The following CHD5 variants were observed in gnomAD, a reference collection of about 807,000 sequenced individuals.
CHD5 encodes ATP-dependent chromatin remodeler CHD5.
A neutral mutation model predicts 230.3 loss-of-function variants in CHD5; 69 were observed. The observed-to-expected ratio is 0.30, with a 90% CI of 0.25 to 0.37. The LOEUF is 0.37. Among genes scored for constraint, CHD5 ranks in the 10% least tolerant of loss-of-function variants. The pLI, the probability that CHD5 is intolerant of heterozygous loss-of-function variation, is 1.00. For synonymous variants in CHD5, 1,064 were observed against 1,065.9 expected, an observed-to-expected ratio of 1.00 and a Z score of 0.03; for missense variants, 1,827 against 2,622.8, an observed-to-expected ratio of 0.70 and a Z score of 6.63.
At chr1:6,135,131 G>A in intron 18 of CHD5, 99 bp downstream of exon 18, 4 of 1,376,126 alleles carry the variant, frequency 2.9e-6, no homozygotes, top group Non-Finnish European at 4.1e-6. Flanking sequence ...AGACCTCAGT[G>A]AGGCTGAAGA....
At chr1:6,159,935 C>A (rs1345422978) in intron 2 of CHD5, among the ~76,000 whole-genome samples, 1 of 152,266 alleles carries the variant, frequency 6.6e-6, no homozygotes, top group African/African-American at 2.4e-5. Flanking sequence ...GACCCAGGAG[C>A]TGGCGGTGGA....
rs1309265617 is a variant in CHD5, at chr1:6,154,443, A to C, written c.745+217T>G. ...CCCACATCATCGCCTCTGCTTCTCC[A>C]CCAACCCCAAAAGGGAGTCAGGCAC... On this transcript the variant is annotated intron_variant, in intron 5 of 41. Transcript: ENST00000262450. This position sits in a 1 kb window ranked among gnomAD's most constrained non-coding sequence, Gnocchi z 7.0. Among the ~76,000 whole-genome samples, 1 of 151,972 alleles carries C rather than the reference A, an allele frequency of 6.6e-6. No homozygotes were observed. Among genetic ancestry groups the C allele is most frequent in the Non-Finnish European group, 1.5e-5 (1 of 67,972 alleles).
intron 2 of CHD5, among the ~76,000 whole-genome samples, chr1:6,166,277 CG>C (rs71579010): frequency 7.1e-6 from 1 of 140,098 alleles, no homozygotes; most frequent in Non-Finnish European, 1.5e-5. Context: ...AGGTGGGGGT[CG>C]GGGGCAGGGG....
At position 6,125,472 on chromosome 1, in the gene CHD5, G is replaced by A. The variant is rs2273037; in HGVS notation, c.4260+52C>T. ...TCCCCCAGCCCTCCTCCATACCCCA[G>A]GGGCAGCAGGAAGCAGGGGCAGAAA... is the stretch of plus-strand genomic sequence containing the variant. On this transcript the variant is annotated intron_variant, in intron 28 of 41. Transcript: ENST00000262450. This position sits in a 1 kb window ranked among gnomAD's most constrained non-coding sequence, Gnocchi z 6.7. 0.27 allele frequency: 411,274 copies of A among 1,526,584 alleles called. 58,590 individuals are homozygous for A. The highest frequency in any genetic ancestry group is 0.4 in the South Asian group (33,134 of 83,364). The allele number at this position is 1,526,584 out of a possible 1,614,324, so 94.6% of individuals were successfully genotyped here.
intron 2 of CHD5, among the ~76,000 whole-genome samples, chr1:6,166,339 G>A (rs528912672): frequency 9.2e-5 from 14 of 151,956 alleles, no homozygotes; most frequent in African/African-American, 2.9e-4. Context: ...CCAGGGGGCC[G>A]TGGGGCACAG....
At chr1:6,173,847 C>T (rs1667377546) in intron 1 of CHD5, among the ~76,000 whole-genome samples, 1 of 152,220 alleles carries the variant, frequency 6.6e-6, no homozygotes, top group African/African-American at 2.4e-5. Flanking sequence ...CCCCATGAGA[C>T]AGGGCTTATG....
intron 2 of CHD5, among the ~76,000 whole-genome samples, chr1:6,164,911 G>C (rs540165319): frequency 1.1e-4 from 16 of 152,262 alleles, no homozygotes; most frequent in Admixed American, 9.8e-4. Context: ...AGGGGGAAGA[G>C]AGAAAAGACG....
At position 6,146,008 on chromosome 1, in the gene CHD5, C is replaced by T. The variant is rs142455561; in HGVS notation, c.1802+204G>A. Among the ~76,000 whole-genome samples the T allele has an allele frequency of 5.3e-4, 81 of 152,268 alleles. 1 individual carries two copies. The highest frequency in any genetic ancestry group is 1.9e-3 in the African/African-American group (77 of 41,552). ...CATGAGTGTGCCGGCATGCATGGGA[C>T]GGCCCCTCTAGCAGGTCAGGCAGAT... On this transcript the variant is annotated intron_variant, in intron 11 of 41. Coordinates refer to ENST00000262450, the MANE Select transcript of CHD5 (RefSeq NM_015557.3). The surrounding 1 kb of genome is among the most constrained non-coding windows in gnomAD (Gnocchi z 5.1).
chr1:6,148,584 CG>C (rs1317957516), intron 9 of CHD5, among the ~76,000 whole-genome samples: 2 of 152,174 alleles, frequency 1.3e-5, no homozygotes, highest in African/African-American at 4.8e-5. Context: ...ACAGTGGTCG[CG>C]GTGTTGGCAT....
intron 1 of CHD5, among the ~76,000 whole-genome samples, chr1:6,169,642 C>T (rs780749146): frequency 1.3e-5 from 2 of 152,214 alleles, no homozygotes; most frequent in Non-Finnish European, 2.9e-5. Context: ...GCAGGCACAG[C>T]AGCAAGAATC....
In CHD5 at chr1:6,142,702, A is replaced by C; in HGVS notation, c.2044-97T>G. On this transcript the variant is annotated intron_variant, in intron 13 of 41. Transcript: ENST00000262450. This position sits in a 1 kb window ranked among gnomAD's most constrained non-coding sequence, Gnocchi z 5.2. The stretch of plus-strand genomic sequence containing the variant: ...ACATGCAATTCCTTCTGCCTGGAAC[A>C]CTCTTCCCACTCCTGTCTGTCTTCC... The C allele has an allele frequency of 2.3e-5, 28 of 1,211,896 alleles. No homozygotes were observed. The highest frequency in any genetic ancestry group is 1.0e-4 in the East Asian group (4 of 38,928). 75.1% of individuals were successfully genotyped at this position (1,211,896 alleles called of 1,614,324 possible). A position where few individuals can be genotyped will look rare whatever the true frequency, so the allele number is the denominator to read the frequency against.
chr1:6,136,734 C>T lies in CHD5; in HGVS notation c.2568G>A (p.Gln856=). The T allele has an allele frequency of 6.2e-7, 1 of 1,612,096 alleles. No homozygotes were observed. Among genetic ancestry groups the T allele is most frequent in the African/African-American group, 1.3e-5 (1 of 75,026 alleles). ...VDEAHRLKNN[Q]SKFFRVLNSY... ...GGCGGCCAGCGCCACCTACCTTGGA[C>T]TGGTTGTTCTTGAGGCGGTGGGCCT... is the stretch of plus-strand genomic sequence containing the variant. Residue 856 remains glutamine, a synonymous_variant, in exon 16 of 42, where the codon CAG becomes CAA. Transcript: ENST00000262450.
At position 6,142,127 on chromosome 1, in the gene CHD5, C is replaced by T; in HGVS notation, c.2436+1G>A. Reference sequence around the variant, plus strand: ...TCCTTCCAAGGATAGCGAGCCCTCACCTTCATACGGAATACCTTCTTCCCA... The same window carrying T: ...TCCTTCCAAGGATAGCGAGCCCTCATCTTCATACGGAATACCTTCTTCCCA... On this transcript the variant is annotated splice_donor_variant, in intron 15 of 41. Coordinates refer to ENST00000262450, the MANE Select transcript of CHD5 (RefSeq NM_015557.3). LOFTEE classifies it high-confidence loss of function. The surrounding 1 kb of genome is among the most constrained non-coding windows in gnomAD (Gnocchi z 5.2). The T allele has an allele frequency of 6.2e-7, 1 of 1,613,532 alleles. No homozygotes were observed. Among genetic ancestry groups the T allele is most frequent in the Non-Finnish European group, 8.5e-7 (1 of 1,179,476 alleles).
intron 29 of CHD5, 143 bp from the exon 30 acceptor site, chr1:6,124,804 A>C (rs1231042174): frequency 1.5e-6 from 1 of 683,426 alleles, no homozygotes; most frequent in East Asian, 2.7e-5. Context: ...CAGGCCCGGG[A>C]AAGGACAGAG....
Position 6,142,595 on chromosome 1 carries a change from T to G in CHD5, c.2054A>C (p.Lys685Thr). ...PDTPIVDPTV[K>T]FDKQPWYIDS... is the part of the protein sequence containing the mutation. ...GATGTACCATGGCTGCTTGTCGAACTTGACCGTGGGCTGCAGGGGAGGCAG... is the reference window on the plus strand; with the variant it reads ...GATGTACCATGGCTGCTTGTCGAACGTGACCGTGGGCTGCAGGGGAGGCAG... The change falls in exon 14 of 42, where the codon AAG becomes ACG. Residue 685 changes from lysine to threonine, a missense_variant. By Grantham distance (78) the Lys-to-Thr change is moderately conservative. Transcript: ENST00000262450. The surrounding 1 kb of genome is among the most constrained non-coding windows in gnomAD (Gnocchi z 5.2). 1.2e-6 allele frequency: 2 copies of G among 1,611,600 alleles called. No individual in the cohort carries two copies. Among genetic ancestry groups the G allele is most frequent in the Non-Finnish European group, 1.7e-6 (2 of 1,178,888 alleles).
chr1:6,113,429 A>G (rs1666326041), intron 33 of CHD5: 3 of 335,584 alleles, frequency 8.9e-6, no homozygotes, highest in East Asian at 8.0e-5. Context: ...GTTTCAAAAA[A>G]AAACAGCACA....
Position 6,111,901 on chromosome 1 carries a change from G to A in CHD5, c.5141-18C>T. ...GTGCAACTCTGGGAAACAAGCCAAG[G>A]TGAGCAGGGTGAGAAGTGCCCCAGC... On this transcript the variant is annotated intron_variant, in intron 35 of 41. Transcript: ENST00000262450. 6.2e-7 allele frequency: 1 copy of A among 1,607,456 alleles called. No homozygotes were observed. Among genetic ancestry groups the A allele is most frequent in the Non-Finnish European group, 8.5e-7 (1 of 1,175,152 alleles).
chr1:6,151,762 A>G (rs72632545), intron 6 of CHD5, among the ~76,000 whole-genome samples: 13,090 of 150,870 alleles, frequency 0.087, 657 homozygotes, highest in African/African-American at 0.14. Context: ...GGCTCCTGCC[A>G]TGGTGCAGGG....
rs748600516 is a variant in CHD5, at chr1:6,142,380, C to G, written c.2235+34G>C. On this transcript the variant is annotated intron_variant, in intron 14 of 41. Coordinates refer to ENST00000262450, the MANE Select transcript of CHD5 (RefSeq NM_015557.3). This position sits in a 1 kb window ranked among gnomAD's most constrained non-coding sequence, Gnocchi z 5.2. Reference sequence around the variant, plus strand: ...ACCACCTGCCCTTGGCCAGGACCAGCCACCCCTCCTGGCCGCCTGCCCCGC... The same window carrying G: ...ACCACCTGCCCTTGGCCAGGACCAGGCACCCCTCCTGGCCGCCTGCCCCGC... The G allele has an allele frequency of 7.5e-6, 12 of 1,595,776 alleles. No homozygotes were observed. In the African/African-American group the frequency reaches 1.5e-4, roughly 20 times the overall value.
Sources: allele counts gnomAD v4.1 joint callset (sites outside exome capture counted in the v4.1 genomes callset), GRCh38; gene constraint gnomAD v4.1.1; non-coding constraint Gnocchi (gnomAD v3.1); transcripts MANE v1.5; gene names NCBI Gene and HGNC (gene_info 2026-07-23, HGNC 2026-07-21).